The following PARD3 variants were observed in gnomAD, a reference collection of about 807,000 sequenced individuals.
PARD3 encodes the protein par-3 family cell polarity regulator, also known as partitioning defective 3 homolog.
A neutral mutation model predicts 155.4 loss-of-function variants in PARD3; 75 were observed. The observed-to-expected ratio is 0.48, with a 90% CI of 0.40 to 0.58. The LOEUF (loss-of-function observed/expected upper bound fraction) is 0.58. Among genes scored for constraint, PARD3 ranks in the 20% least tolerant of loss-of-function variants. PARD3 has a pLI of 0.00. For missense variants in PARD3, 1,642 were observed against 1,721.7 expected (o/e 0.95, Z 0.82); for synonymous variants, 576 against 610.5 (o/e 0.94, Z 0.83).
chr10:34,482,579 G>GT (rs201406537), intron 3 of PARD3, among the ~76,000 whole-genome samples: 4,665 of 152,250 alleles, frequency 0.031, 237 homozygotes, highest in African/African-American at 0.11. Context: ...GGGACAGTTA[G>GT]AAGAGTACTA....
chr10:34,768,940 C>A (rs1838486272), intron 1 of PARD3, among the ~76,000 whole-genome samples: 1 of 152,200 alleles, frequency 6.6e-6, no homozygotes, highest in Admixed American at 6.5e-5. Flanking sequence ...ACCCTCGGTG[C>A]CCAAACTTTA....
chr10:34,742,446 G>C (rs1004203685), intron 1 of PARD3, among the ~76,000 whole-genome samples: 7 of 152,224 alleles, frequency 4.6e-5, no homozygotes, highest in Non-Finnish European at 8.8e-5. Context: ...GTCCTTGGCT[G>C]GATGGCCTCT....
At chr10:34,651,011 CAAAAAAAAAAAAAAAAAAAAAAAAA>C (rs60113552) in intron 2 of PARD3, among the ~76,000 whole-genome samples, 9 of 44,520 alleles carry the variant, frequency 2.0e-4, no homozygotes, top group Admixed American at 3.1e-4. Context: ...AACTCTGTCT[CAAAAAAAAAAAAAAAAAAAAAAAAA>C]AAAAAAAAAA....
intron 16 of PARD3, among the ~76,000 whole-genome samples, chr10:34,340,485 A>C (rs1481201907): frequency 6.6e-6 from 1 of 152,234 alleles, no homozygotes; most frequent in East Asian, 1.9e-4. Flanking sequence ...GGCCATTATC[A>C]TACAGGTTTG....
At chr10:34,310,674 T>G (rs1957654284) in intron 20 of PARD3, among the ~76,000 whole-genome samples, 1 of 152,204 alleles carries the variant, frequency 6.6e-6, no homozygotes, top group African/African-American at 2.4e-5. Context: ...GAAGAATACT[T>G]GAAGAATATG....
intron 18 of PARD3, among the ~76,000 whole-genome samples, chr10:34,332,060 G>A (rs1395150591): frequency 6.6e-6 from 1 of 152,174 alleles, no homozygotes; most frequent in African/African-American, 2.4e-5. Context: ...TCTATCTCTA[G>A]GCCTGGGAAC....
chr10:34,298,588 G>T (rs775141803), intron 20 of PARD3, among the ~76,000 whole-genome samples: 3 of 152,180 alleles, frequency 2.0e-5, no homozygotes, highest in Non-Finnish European at 2.9e-5. Flanking sequence ...CAGGGACGGG[G>T]GAAGAGGGAA....
rs1408480194 is a variant in PARD3, at chr10:34,276,046, A to G, written c.3177-6147T>C. On this transcript the variant is annotated intron_variant, in intron 21 of 24. Coordinates refer to ENST00000374788, the MANE Select transcript of PARD3 (RefSeq NM_001184785.2). The stretch of plus-strand genomic sequence containing the variant: ...CAGTAAGTCCTTCCTGGTTCTAAAA[A>G]GAACTATTCTGAAGTTCAGATTATC... Among the ~76,000 whole-genome samples, 5 of 152,186 alleles carry G rather than the reference A, an allele frequency of 3.3e-5. No individual in the cohort carries two copies. In the East Asian group the frequency reaches 7.7e-4, roughly 23 times the overall value.
At chr10:34,603,027 A>C (rs2089925132) in intron 2 of PARD3, among the ~76,000 whole-genome samples, 1 of 152,212 alleles carries the variant, frequency 6.6e-6, no homozygotes, top group South Asian at 2.1e-4. Context: ...AAATGTAATT[A>C]TGTTCTATCC....
At chr10:34,391,201 GT>G (rs896623664) in intron 7 of PARD3, among the ~76,000 whole-genome samples, 195 of 147,680 alleles carry the variant, frequency 1.3e-3, no homozygotes, top group African/African-American at 4.5e-3. Flanking sequence ...TTTTTTTTTA[GT>G]TTTTTTTTTC....
At chr10:34,159,912 C>G (rs753183200) in intron 22 of PARD3, among the ~76,000 whole-genome samples, 9 of 152,162 alleles carry the variant, frequency 5.9e-5, no homozygotes, top group Non-Finnish European at 1.0e-4. Context: ...TGCCTTGATA[C>G]GAGGAGTGGA....
intron 2 of PARD3, among the ~76,000 whole-genome samples, chr10:34,638,583 G>A (rs1217063153): frequency 9.2e-5 from 14 of 152,192 alleles, no homozygotes; most frequent in Admixed American, 9.2e-4. Flanking sequence ...GGGAAGTGCA[G>A]GCGCAGGCTC....
chr10:34,754,778 C>A (rs1185062244), intron 1 of PARD3, among the ~76,000 whole-genome samples: 1 of 152,174 alleles, frequency 6.6e-6, no homozygotes, highest in East Asian at 1.9e-4. Context: ...TATACACATA[C>A]AAATACCTCA....
intron 2 of PARD3, among the ~76,000 whole-genome samples, chr10:34,603,253 A>G (rs953143930): frequency 3.3e-5 from 5 of 152,124 alleles, no homozygotes; most frequent in Non-Finnish European, 5.9e-5. Context: ...AATCAGAACC[A>G]CCTGCCTGGT....
In PARD3 at chr10:34,454,907, AAAGT is replaced by A. The variant is rs201656526; in HGVS notation, c.583-4463_583-4460del. On this transcript the variant is annotated intron_variant, in intron 4 of 24. Coordinates refer to ENST00000374788, the MANE Select transcript of PARD3 (RefSeq NM_001184785.2). The stretch of plus-strand genomic sequence containing the variant: ...GGAGAAAATCTCTTTCAGGGTAAGG[AAAGT>A]AAGTGTCTTCTCCCACCTTAGCCCT... Among the ~76,000 whole-genome samples, 1,415 of 152,248 alleles carry A rather than the reference AAAGT, an allele frequency of 9.3e-3. 25 individuals carry two copies. Among genetic ancestry groups the A allele is most frequent in the African/African-American group, 0.033 (1,352 of 41,536 alleles).
At chr10:34,529,759 A>G (rs1014603046) in intron 2 of PARD3, among the ~76,000 whole-genome samples, 10 of 151,630 alleles carry the variant, frequency 6.6e-5, no homozygotes, top group African/African-American at 2.4e-4. Flanking sequence ...TTTGAGATGG[A>G]GTCTTGTTCT....
At chr10:34,431,083 T>C (rs2132532594) in intron 5 of PARD3, among the ~76,000 whole-genome samples, 1 of 152,330 alleles carries the variant, frequency 6.6e-6, no homozygotes, top group East Asian at 1.9e-4. Flanking sequence ...TTAGCCCAGG[T>C]TGAGGCCTCT....
chr10:34,115,484 A>G (rs1467083332), intron 24 of PARD3, among the ~76,000 whole-genome samples: 1 of 152,174 alleles, frequency 6.6e-6, no homozygotes, highest in Admixed American at 6.5e-5. Context: ...ACAAATCTCA[A>G]TGACAGAGGA....
rs397846339 is a variant in PARD3 at position 34,687,846 on chromosome 10, C to CTT, written c.222+8470_222+8471dup. ...ATGCCCGGTCAGTTACACCTGAAAT[C>CTT]TTTTTTTTTTTTTTTTTTTTTTTTT... On this transcript the variant is annotated intron_variant, in intron 2 of 24. Coordinates refer to ENST00000374788, the MANE Select transcript of PARD3 (RefSeq NM_001184785.2). Among the ~76,000 whole-genome samples the CTT allele has an allele frequency of 7.8e-3, 496 of 63,678 alleles. 86 individuals are homozygous for CTT. The highest frequency in any genetic ancestry group is 0.022 in the African/African-American group (301 of 13,780). 41.8% of individuals were successfully genotyped at this position (63,678 alleles called of 152,430 possible). A position where few individuals can be genotyped will look rare whatever the true frequency, so the allele number is the denominator to read the frequency against.
Sources: allele counts gnomAD v4.1 joint callset (sites outside exome capture counted in the v4.1 genomes callset), GRCh38; gene constraint gnomAD v4.1.1; transcripts MANE v1.5; gene names NCBI Gene and HGNC (gene_info 2026-07-23, HGNC 2026-07-21).